DIP2C: variants seen among roughly 807,000 people sequenced by gnomAD.
DIP2C encodes disco-interacting protein 2 homolog C.
In DIP2C, 33 loss-of-function variants were observed where a neutral mutation model predicts 192.4. The observed-to-expected ratio is 0.17, with a 90% CI of 0.13 to 0.23. The LOEUF is 0.23. Among genes scored for constraint, DIP2C ranks in the 10% least tolerant of loss-of-function variants. The pLI is 1.00. For synonymous variants in DIP2C, 979 were observed against 864.1 expected (o/e 1.13, Z -2.33); for missense variants, 1,537 against 2,110.1 (o/e 0.73, Z 5.32).
chr10:327,452 G>A (rs776858387), intron 30 of DIP2C, among the ~76,000 whole-genome samples: 1 of 152,212 alleles, frequency 6.6e-6, no homozygotes, highest in African/African-American at 2.4e-5. Flanking sequence ...AAAAGGTTGA[G>A]GAAAAGCAAC....
intron 3 of DIP2C, among the ~76,000 whole-genome samples, chr10:449,403 C>T (rs1370017567): frequency 1.3e-5 from 2 of 152,000 alleles, no homozygotes; most frequent in African/African-American, 4.8e-5. Context: ...TTAGTGACTG[C>T]GGCTATCAAG....
At chr10:578,740 T>C (rs891496370) in intron 1 of DIP2C, among the ~76,000 whole-genome samples, 1 of 152,328 alleles carries the variant, frequency 6.6e-6, no homozygotes, top group Admixed American at 6.5e-5. Context: ...GTGTAACATG[T>C]GTACATGCAT....
intron 32 of DIP2C, among the ~76,000 whole-genome samples, chr10:296,018 T>C (rs1352088549): frequency 9.9e-5 from 15 of 152,238 alleles, no homozygotes; most frequent in Admixed American, 9.8e-4. Flanking sequence ...TTCTGGATAT[T>C]AGCCCTTTGT....
intron 29 of DIP2C, among the ~76,000 whole-genome samples, chr10:333,122 C>G (rs955373650): frequency 6.6e-6 from 1 of 152,164 alleles, no homozygotes; most frequent in Non-Finnish European, 1.5e-5. Flanking sequence ...AGGCTGGTCT[C>G]AAACTCCTGA....
intron 5 of DIP2C, among the ~76,000 whole-genome samples, chr10:422,282 CTAA>C (rs1966244980): frequency 6.6e-6 from 1 of 152,180 alleles, no homozygotes. Context: ...AGCTCTTCCT[CTAA>C]TAATTCTCAC....
rs760064790 is a variant in DIP2C at position 419,149 on chromosome 10, T to A, written c.655A>T (p.Ile219Leu). The A allele has an allele frequency of 6.2e-7, 1 of 1,614,244 alleles. No homozygotes were observed. Among genetic ancestry groups the A allele is most frequent in the Admixed American group, 1.7e-5 (1 of 60,034 alleles). ...GAACCCTGCGGTCTCTCCACCTGTATCGAGTGCTCTGAGGTGTACGTGGTT... is the reference window on the plus strand; with the variant it reads ...GAACCCTGCGGTCTCTCCACCTGTAACGAGTGCTCTGAGGTGTACGTGGTT... ...DVTTYTSEHSIQVERPQGSTG... is the reference protein window; with the variant it reads ...DVTTYTSEHSLQVERPQGSTG... The change falls in exon 6 of 37, where the codon ATA (isoleucine) becomes TTA (leucine). Residue 219 changes from isoleucine (I) to leucine (L), a missense_variant. Physicochemically the swap from Ile to Leu is conservative, Grantham distance 5. This residue lies in a region of DIP2C where 473 missense variants were observed against 539.6 expected (regional missense o/e 0.88). Transcript: ENST00000280886.
rs1001418088 is a variant in DIP2C, at chr10:467,533, AAAAAATAAAT to A, written c.268+4896_268+4905del. Reference sequence around the variant, plus strand: ...GTACCCTAAAACTTAAAGTATAAAAAAAAAATAAATAAAATAAAAATTATTTAAGTGTAAA... The same window carrying A: ...GTACCCTAAAACTTAAAGTATAAAAAAAAATAAAAATTATTTAAGTGTAAA... On this transcript the variant is annotated intron_variant, in intron 3 of 36. Transcript: ENST00000280886. 6.7e-4 allele frequency among the ~76,000 whole-genome samples: 26 copies of A among 39,030 alleles called. No homozygotes were observed. In the South Asian group the frequency reaches 7.5e-3, roughly 11 times the overall value. The allele number at this position is 39,030 out of a possible 152,430, so 25.6% of individuals were successfully genotyped here.
At position 418,074 on chromosome 10, in the gene DIP2C, C is replaced by T. The variant is rs566740879; in HGVS notation, c.739+991G>A. Among the ~76,000 whole-genome samples the T allele has an allele frequency of 1.5e-3, 13 of 8,804 alleles. 4 individuals are homozygous for T. The highest frequency in any genetic ancestry group is 2.3e-3 in the Non-Finnish European group (7 of 3,066). 5.8% of individuals were successfully genotyped at this position (8,804 alleles called of 152,430 possible). A position where few individuals can be genotyped will look rare whatever the true frequency, so the allele number is the denominator to read the frequency against. On this transcript the variant is annotated intron_variant, in intron 6 of 36. Transcript: ENST00000280886. Reference sequence around the variant, plus strand: ...CTTCGATAGGCCTCCCTGTTCACTGCACCTGTCAGGCCTCAGATAGGCATC... The same window carrying T: ...CTTCGATAGGCCTCCCTGTTCACTGTACCTGTCAGGCCTCAGATAGGCATC...
chr10:589,261 ATCT>A (rs1438025004), intron 1 of DIP2C, among the ~76,000 whole-genome samples: 25 of 152,280 alleles, frequency 1.6e-4, no homozygotes, highest in South Asian at 1.4e-3. Context: ...ATTTGTAGAC[ATCT>A]TCTCCCTGTC....
intron 17 of DIP2C, among the ~76,000 whole-genome samples, chr10:378,489 G>A (rs966997119): frequency 6.6e-6 from 1 of 152,012 alleles, no homozygotes; most frequent in South Asian, 2.1e-4. Context: ...GCATACATGT[G>A]AACACAGACA....
At position 337,350 on chromosome 10, in the gene DIP2C, G is replaced by A. The variant is rs527402558; in HGVS notation, c.3584+3849C>T. On this transcript the variant is annotated intron_variant, in intron 29 of 36. Coordinates refer to ENST00000280886, the MANE Select transcript of DIP2C (RefSeq NM_014974.3). Reference sequence around the variant, plus strand: ...TGTGGAGGCCTAGGCAGGTGTGTGCGCGCGTGTGTGTTGTGGAGGCCTAGG... The same window carrying A: ...TGTGGAGGCCTAGGCAGGTGTGTGCACGCGTGTGTGTTGTGGAGGCCTAGG... Among the ~76,000 whole-genome samples the A allele has an allele frequency of 5.7e-3, 368 of 64,974 alleles. 1 individual carries two copies. In the Middle Eastern group the frequency reaches 0.07, roughly 12 times the overall value. The allele number at this position is 64,974 out of a possible 152,430, so 42.6% of individuals were successfully genotyped here. A position where few individuals can be genotyped will look rare whatever the true frequency, so the allele number is the denominator to read the frequency against.
intron 1 of DIP2C, among the ~76,000 whole-genome samples, chr10:538,616 C>T (rs1020265913): frequency 2.6e-5 from 4 of 152,184 alleles, no homozygotes; most frequent in Non-Finnish European, 4.4e-5. Flanking sequence ...TGTTGTCAGC[C>T]TCTGGGTTTC....
chr10:662,492 A>G (rs1856820408), intron 1 of DIP2C, among the ~76,000 whole-genome samples: 1 of 152,212 alleles, frequency 6.6e-6, no homozygotes, highest in South Asian at 2.1e-4. Flanking sequence ...CCGCGAGCTG[A>G]ACGCTAATCA....
intron 1 of DIP2C, among the ~76,000 whole-genome samples, chr10:527,396 T>C (rs376247276): frequency 5.9e-5 from 9 of 152,368 alleles, no homozygotes; most frequent in African/African-American, 1.9e-4. Context: ...CTTCAGCCGC[T>C]GCTTTTGTAA....
intron 1 of DIP2C, among the ~76,000 whole-genome samples, chr10:620,338 C>T (rs896682479): frequency 1.3e-5 from 2 of 152,042 alleles, no homozygotes; most frequent in African/African-American, 4.8e-5. Flanking sequence ...GTTTCACAAG[C>T]AAGCAGTCAG....
chr10:448,185 TCA>T (rs1413748801), intron 3 of DIP2C, among the ~76,000 whole-genome samples: 1 of 124,408 alleles, frequency 8.0e-6, no homozygotes, highest in South Asian at 2.4e-4. Flanking sequence ...ATACTCAGGA[TCA>T]CACACAGTGC....
At chr10:533,592 G>A (rs902740905) in intron 1 of DIP2C, among the ~76,000 whole-genome samples, 1 of 150,940 alleles carries the variant, frequency 6.6e-6, no homozygotes, top group Non-Finnish European at 1.5e-5. Flanking sequence ...AAGGGAAAAG[G>A]TAGGGAACAG....
chr10:642,868 C>A (rs1441302928), intron 1 of DIP2C, among the ~76,000 whole-genome samples: 2 of 152,232 alleles, frequency 1.3e-5, no homozygotes, highest in Non-Finnish European at 2.9e-5. Context: ...ACTGAGTGGT[C>A]CTCCAGAAAG....
intron 4 of DIP2C, among the ~76,000 whole-genome samples, chr10:430,830 G>A (rs1966849221): frequency 6.6e-6 from 1 of 152,154 alleles, no homozygotes; most frequent in Non-Finnish European, 1.5e-5. Flanking sequence ...TTGACAGGCA[G>A]GAATATTTCA....
Sources: gnomAD v4.1 joint callset for allele counts (sites outside exome capture counted in the v4.1 genomes callset) on GRCh38, gnomAD v4.1.1 for gene constraint, gnomAD v4.1.1 regional missense constraint, MANE v1.5 for transcripts, NCBI Gene and HGNC (gene_info 2026-07-23, HGNC 2026-07-21) for gene names.